The following FOXN3 variants were observed in gnomAD, a reference collection of about 807,000 sequenced individuals.
The protein encoded by FOXN3 is forkhead box protein N3.
FOXN3 carries 7 observed loss-of-function variants against 38.4 expected under a neutral mutation model. The ratio of observed to expected loss-of-function variants is 0.18; its 90% CI spans 0.10 to 0.34. FOXN3 has a LOEUF of 0.34. Ranked by LOEUF, FOXN3 falls within the 10% of genes least tolerant of loss-of-function variation. The pLI is 1.00. For missense variants in FOXN3, 456 were observed against 613.4 expected (o/e 0.74, Z 2.71); for synonymous variants, 230 against 242.2 (o/e 0.95, Z 0.47).
chr14:89,601,628 G>A (rs984786658), intron 1 of FOXN3, among the ~76,000 whole-genome samples: 7 of 152,218 alleles, frequency 4.6e-5, no homozygotes. Flanking sequence ...GATTATCTAT[G>A]GCCCTGGGGA....
intron 1 of FOXN3, among the ~76,000 whole-genome samples, chr14:89,467,525 A>AT (rs1035250525): frequency 5.9e-5 from 9 of 151,656 alleles, no homozygotes; most frequent in African/African-American, 1.9e-4. Flanking sequence ...CCAAATGTAA[A>AT]TTTTTTTTAA....
intron 4 of FOXN3, among the ~76,000 whole-genome samples, chr14:89,219,178 G>A (rs61985228): frequency 0.15 from 22,411 of 152,010 alleles, 2,032 homozygotes; most frequent in Non-Finnish European, 0.21. Context: ...GAGGTGACTG[G>A]ATCATGGGGG....
At chr14:89,592,792 C>T (rs1161553299) in intron 1 of FOXN3, among the ~76,000 whole-genome samples, 1 of 152,024 alleles carries the variant, frequency 6.6e-6, no homozygotes, top group Non-Finnish European at 1.5e-5. Flanking sequence ...AACATGGGAT[C>T]CAGGAAATGA....
rs1886687496 is a variant in FOXN3, at chr14:89,288,042, CAG to C, written c.681-7030_681-7029del. On this transcript the variant is annotated intron_variant, in intron 3 of 5. Coordinates refer to ENST00000557258, the MANE Select transcript of FOXN3 (RefSeq NM_005197.4). ...CACCACTGCACTCCAGCCTGGGCAA[CAG>C]AGCAAGACCCTGTCTCAAAAAAAAA... 2.4e-5 allele frequency among the ~76,000 whole-genome samples: 3 copies of C among 122,710 alleles called. No homozygotes were observed. In the Admixed American group the frequency reaches 2.8e-4, roughly 11 times the overall value. The allele number at this position is 122,710 out of a possible 152,430, so 80.5% of individuals were successfully genotyped here. A position where few individuals can be genotyped will look rare whatever the true frequency, so the allele number is the denominator to read the frequency against.
At chr14:89,334,885 G>A (rs888900322) in intron 3 of FOXN3, among the ~76,000 whole-genome samples, 1 of 151,918 alleles carries the variant, frequency 6.6e-6, no homozygotes, top group Non-Finnish European at 1.5e-5. Context: ...CCCTGCCTCA[G>A]CCGCCCCAGT....
chr14:89,517,415 A>G (rs1894229574), intron 1 of FOXN3, among the ~76,000 whole-genome samples: 1 of 151,840 alleles, frequency 6.6e-6, no homozygotes, highest in Non-Finnish European at 1.5e-5. Flanking sequence ...GCTGTACAGG[A>G]AGCACGATGG....
intron 1 of FOXN3, among the ~76,000 whole-genome samples, chr14:89,431,934 C>T (rs2140114382): frequency 6.6e-6 from 1 of 151,220 alleles, no homozygotes; most frequent in Admixed American, 6.6e-5. Flanking sequence ...AGGCTGGTCT[C>T]AAACTCCTGA....
intron 1 of FOXN3, among the ~76,000 whole-genome samples, chr14:89,521,358 T>TAGATAGAG (rs554058509): frequency 0.11 from 13,130 of 124,906 alleles, 615 homozygotes; most frequent in Non-Finnish European, 0.12. Context: ...AGATGATAGA[T>TAGATAGAG]AGAGAGAGAG....
intron 1 of FOXN3, among the ~76,000 whole-genome samples, chr14:89,431,991 AGG>A (rs1892169263): frequency 6.6e-6 from 1 of 152,252 alleles, no homozygotes; most frequent in Non-Finnish European, 1.5e-5. Context: ...CTGGGATTAC[AGG>A]CGTGAGCCAC....
rs189326129 is a variant in FOXN3, at chr14:89,543,994, C to A, written c.-15+75034G>T. Among the ~76,000 whole-genome samples the A allele has an allele frequency of 1.1e-3, 164 of 152,218 alleles. 1 individual carries two copies. The highest frequency in any genetic ancestry group is 3.4e-3 in the Middle Eastern group (1 of 294). ...ATGTAATGGATTCTGGTGTCAAATG[C>A]ATCTTTATGCCTGGTATTCTGCTTT... On this transcript the variant is annotated intron_variant, in intron 1 of 6. Transcript: ENST00000345097.
At position 89,457,671 on chromosome 14, in the gene FOXN3, CCT is replaced by C. The variant is rs200194954; in HGVS notation, c.-14-45183_-14-45182del. Among the ~76,000 whole-genome samples the C allele has an allele frequency of 4.1e-4, 62 of 152,318 alleles. No individual in the cohort carries two copies. The East Asian group carries it at 0.011, about 27-fold the overall frequency. ...TCCTCTACATGAAGGCTATCTGTCC[CCT>C]GTTCTCCCATTTTCATTAATCATAC... On this transcript the variant is annotated intron_variant, in intron 1 of 6. Transcript: ENST00000345097.
At chr14:89,281,136 G>T in intron 3 of FOXN3, 122 bp from the exon 4 acceptor site, 1 of 772,772 alleles carries the variant, frequency 1.3e-6, no homozygotes. Context: ...CTTTGAAAAT[G>T]CATCCTCGAA....
intron 1 of FOXN3, among the ~76,000 whole-genome samples, chr14:89,515,131 C>T (rs1894176351): frequency 6.6e-6 from 1 of 151,856 alleles, no homozygotes; most frequent in Non-Finnish European, 1.5e-5. Context: ...CCATGTTAGC[C>T]AGGCTGGTTT....
chr14:89,240,698 G>A (rs80307535), intron 4 of FOXN3, among the ~76,000 whole-genome samples: 13,201 of 152,294 alleles, frequency 0.087, 787 homozygotes, highest in Middle Eastern at 0.14. Flanking sequence ...GGTTACCTCC[G>A]GGGAGGAGGT....
intron 1 of FOXN3, among the ~76,000 whole-genome samples, chr14:89,618,722 G>A (rs1431618600): frequency 6.7e-6 from 1 of 149,522 alleles, no homozygotes; most frequent in East Asian, 2.0e-4. Context: ...CCATTTGTCT[G>A]CAATTTTTTA....
intron 1 of FOXN3, among the ~76,000 whole-genome samples, chr14:89,550,135 A>C (rs1318266820): frequency 6.6e-6 from 1 of 152,156 alleles, no homozygotes; most frequent in Non-Finnish European, 1.5e-5. Context: ...GCACTGACTG[A>C]GCACCCATGA....
chr14:89,605,150 T>C (rs570224662), intron 1 of FOXN3, among the ~76,000 whole-genome samples: 2 of 152,066 alleles, frequency 1.3e-5, no homozygotes, highest in African/African-American at 2.4e-5. Flanking sequence ...AATGATAATA[T>C]GTAATCTGTG....
intron 4 of FOXN3, among the ~76,000 whole-genome samples, chr14:89,193,476 A>C (rs1345445209): frequency 1.3e-5 from 2 of 152,176 alleles, no homozygotes; most frequent in African/African-American, 4.8e-5. Context: ...GGACATTCCC[A>C]AGGCACACTT....
chr14:89,195,016 G>A (rs531473676), intron 4 of FOXN3, among the ~76,000 whole-genome samples: 21 of 152,062 alleles, frequency 1.4e-4, no homozygotes, highest in South Asian at 6.2e-4. Context: ...GTTTTTCTAC[G>A]GTGAGAATTT....
Sources: gnomAD v4.1 joint callset for allele counts (sites outside exome capture counted in the v4.1 genomes callset) on GRCh38, gnomAD v4.1.1 for gene constraint, MANE v1.5 for transcripts, NCBI Gene and HGNC (gene_info 2026-07-23, HGNC 2026-07-21) for gene names.